LSMEM1: variants seen among roughly 807,000 people sequenced by gnomAD.
LSMEM1 encodes leucine-rich single-pass membrane protein 1.
LSMEM1 carries 10 observed loss-of-function variants against 11.3 expected under a neutral mutation model. The observed-to-expected ratio is 0.89, with a 90% confidence interval of 0.55 to 1.50. The LOEUF (loss-of-function observed/expected upper bound fraction) is 1.50, where lower values mean the gene tolerates loss of function less well. LSMEM1 is among the 40% of genes most tolerant of loss of function. LSMEM1 has a pLI of 0.00. For synonymous variants in LSMEM1, 65 were observed against 59.3 expected (o/e 1.10, Z -0.44); for missense variants, 151 against 152.9 (o/e 0.99, Z 0.06).
intron 2 of LSMEM1, among the ~76,000 whole-genome samples, chr7:112,485,591 A>G (rs970152666): frequency 7.2e-5 from 11 of 152,112 alleles, no homozygotes; most frequent in Admixed American, 2.6e-4. Context: ...CCAATTTTAT[A>G]TCTATTATTT....
intron 1 of LSMEM1, among the ~76,000 whole-genome samples, chr7:112,482,094 C>T (rs1017984100): frequency 6.6e-6 from 1 of 152,204 alleles, no homozygotes; most frequent in Non-Finnish European, 1.5e-5. Flanking sequence ...AAGTCATTTG[C>T]AGGCTCTTGG....
intron 3 of LSMEM1, among the ~76,000 whole-genome samples, chr7:112,489,486 T>C (rs528599767): frequency 6.6e-6 from 1 of 152,318 alleles, no homozygotes; most frequent in South Asian, 2.1e-4. Flanking sequence ...TAAAGCAACA[T>C]AGCAATCACT....
Position 112,486,989 on chromosome 7 carries a change from T to G in LSMEM1, c.194T>G (p.Val65Gly), listed in dbSNP as rs1796143333. ...AATGGAAGCCGGAGTCTGTTTTTTG[T>G]GGGGCTGCTAATTGTGCTGATTGTC... ...SGNGSRSLFF[V>G]GLLIVLIVSL... The change falls in exon 3 of 4, where the codon GTG becomes GGG. Residue 65 changes from valine (V) to glycine (G), a missense_variant. Val to Gly is a moderately radical substitution (Grantham distance 109). Transcript: ENST00000312849. The G allele has an allele frequency of 6.2e-7, 1 of 1,614,044 alleles. No homozygotes were observed. The highest frequency in any genetic ancestry group is 1.3e-5 in the African/African-American group (1 of 74,920).
At chr7:112,487,474 C>G (rs911045509) in intron 3 of LSMEM1, among the ~76,000 whole-genome samples, 8 of 152,352 alleles carry the variant, frequency 5.3e-5, no homozygotes, top group African/African-American at 1.7e-4. Context: ...GCATATCATC[C>G]TAGACATCAA....
chr7:112,484,683 G>T, intron 1 of LSMEM1, 129 bp from the exon 2 acceptor site: 1 of 908,166 alleles, frequency 1.1e-6, no homozygotes, highest in Non-Finnish European at 1.7e-6. Flanking sequence ...GTTCTCTAGA[G>T]CCTTAGTTGA....
upstream of LSMEM1, chr7:112,480,732 C>T: frequency 4.5e-6 from 2 of 445,972 alleles, no homozygotes; most frequent in South Asian, 3.2e-5. Context: ...CATGAAATCG[C>T]CCACTCACAA....
At position 112,481,171 on chromosome 7, in the gene LSMEM1, C is replaced by A; in HGVS notation, c.-181C>A. 9.1e-6 allele frequency: 2 copies of A among 220,694 alleles called. No homozygotes were observed. Among genetic ancestry groups the A allele is most frequent in the Non-Finnish European group, 1.8e-5 (2 of 109,224 alleles). The allele number at this position is 220,694 out of a possible 1,614,324, so 13.7% of individuals were successfully genotyped here. ...TTGACACAATATAGACCAACAGTTT[C>A]ATCCTGGGGCTTATGGGTCTCATAG... is the stretch of plus-strand genomic sequence containing the variant. On this transcript the variant is annotated 5_prime_UTR_variant, in exon 1 of 4. Coordinates refer to ENST00000312849, the MANE Select transcript of LSMEM1 (RefSeq NM_182597.3).
chr7:112,490,488 T>C lies in LSMEM1; in HGVS notation c.*539T>C, dbSNP rs1048792378. 3 of 152,550 alleles carry C rather than the reference T, an allele frequency of 2.0e-5. No individual in the cohort carries two copies. Among genetic ancestry groups the C allele is most frequent in the African/African-American group, 4.8e-5 (2 of 41,462 alleles). 9.4% of individuals were successfully genotyped at this position (152,550 alleles called of 1,614,324 possible). On this transcript the variant is annotated 3_prime_UTR_variant, in exon 4 of 4. Transcript: ENST00000312849. The stretch of plus-strand genomic sequence containing the variant: ...AGTGATGGGTGGGCCCCAGAGCTAG[T>C]TGCTGTCTGGTGTTTGCTGGTGAAA...
intron 2 of LSMEM1, 97 bp downstream of exon 2, chr7:112,485,040 A>C: frequency 6.9e-6 from 9 of 1,310,552 alleles, no homozygotes; most frequent in Non-Finnish European, 9.2e-6. Context: ...GTGGAGGGGG[A>C]GGGGGCATTA....
At chr7:112,488,660 G>A (rs1013235454) in intron 3 of LSMEM1, among the ~76,000 whole-genome samples, 5 of 151,820 alleles carry the variant, frequency 3.3e-5, no homozygotes, top group South Asian at 2.1e-4. Context: ...GTGCAGTGGC[G>A]TGATCTCAGC....
At chr7:112,483,766 G>A (rs1796077835) in intron 1 of LSMEM1, among the ~76,000 whole-genome samples, 1 of 152,150 alleles carries the variant, frequency 6.6e-6, no homozygotes, top group African/African-American at 2.4e-5. Flanking sequence ...GTGATCCTGG[G>A]CATTTACCTC....
chr7:112,482,747 C>T (rs1378439302), intron 1 of LSMEM1, among the ~76,000 whole-genome samples: 1 of 152,124 alleles, frequency 6.6e-6, no homozygotes, highest in East Asian at 1.9e-4. Context: ...GGCCCTTTTA[C>T]TCTATTTGCT....
chr7:112,487,127 G>A (rs1796148599), intron 3 of LSMEM1, 76 bp downstream of exon 3: 2 of 1,526,764 alleles, frequency 1.3e-6, no homozygotes, highest in Admixed American at 1.9e-5. Context: ...CTCCCACAAA[G>A]TTTGCACCCT....
chr7:112,485,198 G>C (rs544369703), intron 2 of LSMEM1, among the ~76,000 whole-genome samples: 1 of 152,308 alleles, frequency 6.6e-6, no homozygotes, highest in Non-Finnish European at 1.5e-5. Flanking sequence ...TGGCGTTTCT[G>C]TCCCTGGAAA....
intron 2 of LSMEM1, among the ~76,000 whole-genome samples, chr7:112,485,852 G>A (rs564752947): frequency 3.3e-5 from 5 of 151,772 alleles, no homozygotes; most frequent in Admixed American, 6.6e-5. Flanking sequence ...CAACGTAGGA[G>A]AGTATGCAAA....
chr7:112,489,836 G>A lies in LSMEM1; in HGVS notation c.283G>A (p.Val95Met). The change falls in exon 4 of 4, where the codon GTG (valine) becomes ATG (methionine). Residue 95 changes from valine to methionine, a missense_variant. Physicochemically the swap from Val to Met is conservative, Grantham distance 21. Coordinates refer to ENST00000312849, the MANE Select transcript of LSMEM1 (RefSeq NM_182597.3). ...IVQTGNKMDD[V>M]SRRLTAEGKD... ...TCAAACTGGAAACAAGATGGATGAT[G>A]TGTCAAGAAGACTAACAGCTGAAGG... 1.2e-6 allele frequency: 2 copies of A among 1,613,494 alleles called. No individual in the cohort carries two copies. The highest frequency in any genetic ancestry group is 2.2e-5 in the East Asian group (1 of 44,852).
intron 1 of LSMEM1, among the ~76,000 whole-genome samples, chr7:112,482,475 A>G (rs1365825341): frequency 2.0e-5 from 3 of 152,218 alleles, no homozygotes; most frequent in Non-Finnish European, 2.9e-5. Flanking sequence ...CAAGGCTATT[A>G]AGTCAGAGAT....
intron 1 of LSMEM1, 72 bp from the exon 2 acceptor site, chr7:112,484,740 G>A: frequency 6.5e-7 from 1 of 1,529,886 alleles, no homozygotes; most frequent in Non-Finnish European, 8.9e-7. Context: ...TGGCTTCCTG[G>A]TGGCTGTGGT....
At position 112,490,037 on chromosome 7, in the gene LSMEM1, T is replaced by G; in HGVS notation, c.*88T>G. 5.4e-4 allele frequency: 711 copies of G among 1,315,290 alleles called. No individual in the cohort carries two copies. The highest frequency in any genetic ancestry group is 9.7e-4 in the East Asian group (37 of 38,028). 81.5% of individuals were successfully genotyped at this position (1,315,290 alleles called of 1,614,324 possible). A position where few individuals can be genotyped will look rare whatever the true frequency, so the allele number is the denominator to read the frequency against. On this transcript the variant is annotated 3_prime_UTR_variant, in exon 4 of 4. Coordinates refer to ENST00000312849, the MANE Select transcript of LSMEM1 (RefSeq NM_182597.3). ...AGGGTTAGGAACTGAGAAAGTGCAC[T>G]TCCTCAGGCAACAGATGATCTGGTC...
Sources: gnomAD v4.1 joint callset for allele counts (sites outside exome capture counted in the v4.1 genomes callset) on GRCh38, gnomAD v4.1.1 for gene constraint, MANE v1.5 for transcripts, NCBI Gene and HGNC (gene_info 2026-07-23, HGNC 2026-07-21) for gene names.